The following ACACA variants were observed in gnomAD, a reference collection of about 807,000 sequenced individuals.
ACACA encodes acetyl-CoA carboxylase alpha, also known as acetyl-CoA carboxylase 1.
Under a neutral mutation model 296.1 loss-of-function variants are expected in ACACA, and 103 were observed. The observed-to-expected ratio is 0.35, with a 90% CI of 0.30 to 0.41. The LOEUF (loss-of-function observed/expected upper bound fraction) is 0.41, where lower values mean the gene tolerates loss of function less well. Among genes scored for constraint, ACACA ranks in the 10% least tolerant of loss-of-function variants. ACACA has a pLI of 1.00. For missense variants in ACACA, 1,554 were observed against 2,989.7 expected, an observed-to-expected ratio of 0.52 and a Z score of 11.20; for synonymous variants, 953 against 1,038.6, an observed-to-expected ratio of 0.92 and a Z score of 1.58.
chr17:37,218,780 CT>C (rs1160443790), intron 29 of ACACA, among the ~76,000 whole-genome samples: 2 of 152,140 alleles, frequency 1.3e-5, no homozygotes, highest in African/African-American at 2.4e-5. Flanking sequence ...TGCTTTTCGC[CT>C]GCTTGATCAA....
At chr17:37,098,702 C>T (rs1298600472) in intron 52 of ACACA, among the ~76,000 whole-genome samples, 1 of 152,224 alleles carries the variant, frequency 6.6e-6, no homozygotes, top group East Asian at 1.9e-4. Context: ...AGACATTCTA[C>T]TTCTTAGGCT....
At chr17:37,265,769 T>C (rs1318031124) in intron 10 of ACACA, among the ~76,000 whole-genome samples, 1 of 152,188 alleles carries the variant, frequency 6.6e-6, no homozygotes, top group African/African-American at 2.4e-5. Flanking sequence ...GAGTAGGTCC[T>C]TAATCCATGG....
At chr17:37,229,655 G>A (rs1235396325) in intron 25 of ACACA, among the ~76,000 whole-genome samples, 3 of 151,960 alleles carry the variant, frequency 2.0e-5, no homozygotes, top group African/African-American at 4.8e-5. Context: ...ACACGTAAAA[G>A]CACTTTTTTT....
At chr17:37,329,969 CTAG>C (rs145966322) in intron 3 of ACACA, among the ~76,000 whole-genome samples, 200 of 152,040 alleles carry the variant, frequency 1.3e-3, no homozygotes, top group African/African-American at 4.7e-3. Context: ...CAAAAAAAAC[CTAG>C]TAGGACATGA....
chr17:37,381,909 G>A (rs965317838), intron 1 of ACACA, among the ~76,000 whole-genome samples: 4 of 151,906 alleles, frequency 2.6e-5, no homozygotes, highest in Non-Finnish European at 4.4e-5. Context: ...TTACAGGCGT[G>A]AGCCACTGCA....
At position 37,263,862 on chromosome 17, in the gene ACACA, A is replaced by G; in HGVS notation, c.1152T>C (p.Phe384=). The part of the protein sequence containing the change: ...VQAEVPGSPI[F]VMRLAKQSRH... ...GAGATTGTTTGGCTAGTCTCATCAC[A>G]AATATGGGAGATCCAGGAACTTCAG... The change falls in exon 11 of 56, where the codon TTT becomes TTC. Residue 384 remains phenylalanine (F), a synonymous_variant. Coordinates refer to ENST00000616317, the MANE Select transcript of ACACA (RefSeq NM_198834.3). The G allele has an allele frequency of 1.2e-6, 2 of 1,614,062 alleles. No individual in the cohort carries two copies. The highest frequency in any genetic ancestry group is 2.7e-5 in the African/African-American group (2 of 75,012).
chr17:37,116,212 C>T (rs907557551), intron 50 of ACACA, among the ~76,000 whole-genome samples: 3 of 152,124 alleles, frequency 2.0e-5, no homozygotes, highest in Non-Finnish European at 2.9e-5. Context: ...AGACTGGTCT[C>T]GCTGAGCTCA....
intron 7 of ACACA, among the ~76,000 whole-genome samples, chr17:37,276,442 G>A (rs2082288020): frequency 6.6e-6 from 1 of 152,090 alleles, no homozygotes; most frequent in East Asian, 1.9e-4. Context: ...TACGCTCTTT[G>A]GTCTTAGGGG....
At chr17:37,276,118 C>T (rs549791885) in intron 7 of ACACA, 69 bp from the exon 8 acceptor site, 100 of 1,140,108 alleles carry the variant, frequency 8.8e-5, no homozygotes, top group Middle Eastern at 1.9e-4. Flanking sequence ...ATGTAGTTGC[C>T]TTGTATTATA....
intron 26 of ACACA, among the ~76,000 whole-genome samples, chr17:37,226,086 G>A (rs1598241356): frequency 6.6e-6 from 1 of 152,226 alleles, no homozygotes; most frequent in South Asian, 2.1e-4. Context: ...AGGGCTACTA[G>A]GGAGGGAAGG....
At chr17:37,284,551 T>C (rs1437098366) in intron 4 of ACACA, among the ~76,000 whole-genome samples, 1 of 152,214 alleles carries the variant, frequency 6.6e-6, no homozygotes, top group Non-Finnish European at 1.5e-5. Context: ...CAAGTGATCC[T>C]TCCATTTTAG....
chr17:37,254,680 T>C (rs779638448), intron 14 of ACACA, among the ~76,000 whole-genome samples: 37 of 151,978 alleles, frequency 2.4e-4, no homozygotes, highest in Non-Finnish European at 4.1e-4. Flanking sequence ...AGTAAATATT[T>C]GTTGAATACA....
In ACACA at chr17:37,181,368, A is replaced by G. The variant is rs1487548393; in HGVS notation, c.4777-12T>C. ...GCCTGAAACATGATCTGCAGGAAAA[A>G]AAAATGGCATGGGGAGTTAAGAGAC... On this transcript the variant is annotated splice_polypyrimidine_tract_variant and intron_variant, in intron 39 of 55. Coordinates refer to ENST00000616317, the MANE Select transcript of ACACA (RefSeq NM_198834.3). 6.2e-7 allele frequency: 1 copy of G among 1,613,978 alleles called. No individual in the cohort carries two copies.
intron 1 of ACACA, among the ~76,000 whole-genome samples, chr17:37,381,920 C>G (rs750849884): frequency 6.6e-6 from 1 of 152,152 alleles, no homozygotes; most frequent in Non-Finnish European, 1.5e-5. Context: ...AGCCACTGCA[C>G]CCGGCCATGT....
At chr17:37,156,539 G>T (rs2076259896) in intron 42 of ACACA, among the ~76,000 whole-genome samples, 1 of 152,134 alleles carries the variant, frequency 6.6e-6, no homozygotes, top group South Asian at 2.1e-4. Context: ...AAATCTAGGA[G>T]ATTCAATATT....
intron 50 of ACACA, among the ~76,000 whole-genome samples, chr17:37,114,075 C>T (rs1231550845): frequency 6.6e-6 from 1 of 152,108 alleles, no homozygotes; most frequent in African/African-American, 2.4e-5. Context: ...CAGTCCCAGT[C>T]ACTTGGCTGA....
At chr17:37,156,085 A>ATGGAGTC (rs2076237352) in intron 42 of ACACA, among the ~76,000 whole-genome samples, 2 of 82,822 alleles carry the variant, frequency 2.4e-5, no homozygotes, top group Admixed American at 1.9e-4. Context: ...TTTTGTTGAG[A>ATGGAGTC]TGGAGTCTCA....
chr17:37,134,047 C>T (rs2075225286), intron 45 of ACACA, among the ~76,000 whole-genome samples: 1 of 152,158 alleles, frequency 6.6e-6, no homozygotes, highest in Admixed American at 6.5e-5. Context: ...TTAAGGGCAC[C>T]ACATAAAAGC....
intron 2 of ACACA, among the ~76,000 whole-genome samples, chr17:37,331,490 C>A (rs529048196): frequency 1.3e-5 from 2 of 150,278 alleles, no homozygotes; most frequent in East Asian, 4.0e-4. Flanking sequence ...CTCACTGCAA[C>A]CTCCGCCTCC....
Sources: allele counts gnomAD v4.1 joint callset (sites outside exome capture counted in the v4.1 genomes callset), GRCh38; gene constraint gnomAD v4.1.1; transcripts MANE v1.5; gene names NCBI Gene and HGNC (gene_info 2026-07-23, HGNC 2026-07-21).